Variants in PACS1 observed in about 807,000 individuals in gnomAD.
PACS1 encodes PACS-1.
In PACS1, 24 loss-of-function variants were observed where a neutral mutation model predicts 115.0. That is an observed-to-expected ratio of 0.21 (90% confidence interval 0.15 to 0.29). The LOEUF is 0.29. PACS1 is among the 10% of genes least tolerant of loss of function. The pLI, the probability that PACS1 is intolerant of heterozygous loss-of-function variation, is 1.00. For missense variants in PACS1, 838 were observed against 1,251.2 expected, an observed-to-expected ratio of 0.67 and a Z score of 4.98; for synonymous variants, 453 against 504.5, an observed-to-expected ratio of 0.90 and a Z score of 1.37.
At chr11:66,077,703 G>GTTTT (rs34935652) in intron 1 of PACS1, among the ~76,000 whole-genome samples, 1 of 131,274 alleles carries the variant, frequency 7.6e-6, no homozygotes, top group African/African-American at 2.9e-5. Flanking sequence ...TTGTAAGTTT[G>GTTTT]TTTTTTTTTT....
chr11:66,215,973 A>G, intron 4 of PACS1, 146 bp from the exon 5 acceptor site: 1 of 505,564 alleles, frequency 2.0e-6, no homozygotes. Context: ...ACCGTGAAGC[A>G]GTAGGACAGT....
chr11:66,240,943 A>G (rs1310973357), intron 21 of PACS1: 1 of 152,894 alleles, frequency 6.5e-6, no homozygotes, highest in Non-Finnish European at 1.5e-5. Flanking sequence ...TGAAAAGGAG[A>G]AAGCTGCAGG....
intron 8 of PACS1, 171 bp from the exon 9 acceptor site, chr11:66,220,460 C>T (rs1461067208): frequency 2.7e-5 from 17 of 635,380 alleles, no homozygotes; most frequent in Admixed American, 8.6e-5. Context: ...ACCATGTCCC[C>T]GCCCTCAGGC....
intron 1 of PACS1, among the ~76,000 whole-genome samples, chr11:66,161,961 G>A (rs1859496674): frequency 6.6e-6 from 1 of 152,122 alleles, no homozygotes; most frequent in African/African-American, 2.4e-5. Flanking sequence ...ATATTAATTG[G>A]TGTAGTGGGT....
intron 1 of PACS1, among the ~76,000 whole-genome samples, chr11:66,186,103 C>T (rs931278952): frequency 2.6e-5 from 4 of 151,530 alleles, no homozygotes; most frequent in South Asian, 2.1e-4. Flanking sequence ...CCCATCGCTG[C>T]AAAAAAAATT....
At position 66,181,735 on chromosome 11, in the gene PACS1, T is replaced by C. The variant is rs548060944; in HGVS notation, c.357-11751T>C. Among the ~76,000 whole-genome samples the C allele has an allele frequency of 2.6e-5, 4 of 152,300 alleles. No homozygotes were observed. The East Asian group carries it at 7.7e-4, about 29-fold the overall frequency. The stretch of plus-strand genomic sequence containing the variant: ...TTTTGGCTGGAACCTGGATGGTTTT[T>C]TGTTTGTTCTTTTTTTCCCCACACA... On this transcript the variant is annotated intron_variant, in intron 1 of 23. Transcript: ENST00000320580.
At chr11:66,098,577 T>G (rs1411504229) in intron 1 of PACS1, among the ~76,000 whole-genome samples, 1 of 152,224 alleles carries the variant, frequency 6.6e-6, no homozygotes, top group East Asian at 1.9e-4. Flanking sequence ...CATACTCCTT[T>G]AAGTCAGACA....
At position 66,211,214 on chromosome 11, in the gene PACS1, C is replaced by G; in HGVS notation, c.615C>G (p.Ile205Met). 6.2e-7 allele frequency: 1 copy of G among 1,613,828 alleles called. No individual in the cohort carries two copies. The highest frequency in any genetic ancestry group is 1.1e-5 in the South Asian group (1 of 91,076). Residue 205 changes from isoleucine (I) to methionine (M), a missense_variant, in exon 4 of 24, where the codon ATC becomes ATG. Ile to Met is a conservative substitution (Grantham distance 10). Around this residue, in one of 6 missense-constraint regions of PACS1, gnomAD observed 223 missense variants for 354.0 expected, o/e 0.63. Coordinates refer to ENST00000320580, the MANE Select transcript of PACS1 (RefSeq NM_018026.4). ...QRRKRYKNRT[I>M]LGYKTLAVGL... The stretch of plus-strand genomic sequence containing the variant: ...GAAAACGTTACAAGAATCGGACCAT[C>G]TTGGGCTATAAGACCTTGGCCGTGG...
chr11:66,122,860 A>G (rs1255103834), intron 1 of PACS1, among the ~76,000 whole-genome samples: 1 of 152,240 alleles, frequency 6.6e-6, no homozygotes, highest in Non-Finnish European at 1.5e-5. Flanking sequence ...TGTTGAAATG[A>G]TAATGTATTA....
At chr11:66,175,395 T>C (rs902070080) in intron 1 of PACS1, among the ~76,000 whole-genome samples, 2 of 152,192 alleles carry the variant, frequency 1.3e-5, no homozygotes, top group African/African-American at 4.8e-5. Flanking sequence ...CTTTCTAAAA[T>C]GTGACAGTGG....
At chr11:66,230,135 TAAAAAAAAA>T (rs11357711) in intron 11 of PACS1, among the ~76,000 whole-genome samples, 2 of 96,920 alleles carry the variant, frequency 2.1e-5, no homozygotes, top group South Asian at 3.4e-4. Context: ...GGAATGGGGC[TAAAAAAAAA>T]AAAAAAAAAG....
rs769935627 is a variant in PACS1 at position 66,243,182 on chromosome 11, G to T, written c.2794G>T (p.Glu932Ter). 1 of 1,613,496 alleles carries T rather than the reference G, an allele frequency of 6.2e-7. No homozygotes were observed. The highest frequency in any genetic ancestry group is 8.5e-7 in the Non-Finnish European group (1 of 1,179,682). Residue 932 changes from glutamate (E) to a stop codon, truncating the protein, a stop_gained, in exon 24 of 24, where the codon GAG becomes TAG. Coordinates refer to ENST00000320580, the MANE Select transcript of PACS1 (RefSeq NM_018026.4). LOFTEE classifies it high-confidence loss of function. ...ACCCCTAGTGTCCATCGATGGGGTC[G>T]AGTGGAGTGACATCAAGTTCTTCCA... ...TMLRVSIDGV[E>*]WSDIKFFQLA...
chr11:66,234,247 T>C lies in PACS1; in HGVS notation c.2104+5T>C. On this transcript the variant is annotated splice_donor_5th_base_variant and intron_variant, in intron 17 of 23. Transcript: ENST00000320580. ...GCTCGGAGCCACCAGTGTCAGGTAA[T>C]GGCCCCGTGTAAGGAGCTTACTCCC... 1 of 1,602,458 alleles carries C rather than the reference T, an allele frequency of 6.2e-7. No individual in the cohort carries two copies. The highest frequency in any genetic ancestry group is 8.6e-7 in the Non-Finnish European group (1 of 1,169,310).
At chr11:66,231,729 G>A (rs1032939022) in intron 13 of PACS1, 7 of 176,436 alleles carry the variant, frequency 4.0e-5, no homozygotes, top group Admixed American at 1.1e-4. Flanking sequence ...TGTTCCCTCA[G>A]ACAGCAGGTA....
At chr11:66,222,519 C>A (rs1234709043) in intron 10 of PACS1, among the ~76,000 whole-genome samples, 1 of 152,062 alleles carries the variant, frequency 6.6e-6, no homozygotes. Flanking sequence ...GCTCTTCCTT[C>A]GTTTACAATG....
chr11:66,149,818 C>T (rs746743269), intron 1 of PACS1, among the ~76,000 whole-genome samples: 5 of 151,982 alleles, frequency 3.3e-5, no homozygotes, highest in Non-Finnish European at 5.9e-5. Flanking sequence ...GGCATGATCT[C>T]GGCTCACTGC....
intron 2 of PACS1, among the ~76,000 whole-genome samples, chr11:66,199,296 C>G (rs1854720788): frequency 7.1e-6 from 1 of 140,064 alleles, no homozygotes; most frequent in Non-Finnish European, 1.5e-5. Context: ...GCCTGGGCAA[C>G]AGAGCGAGAC....
In PACS1 at chr11:66,141,506, T is replaced by C. The variant is rs79309641; in HGVS notation, c.357-51980T>C. ...CCATCTCTACTAAAAATATAAAAAT[T>C]AGGCGGGCATGGTGGTGGGTGCCTG... On this transcript the variant is annotated intron_variant, in intron 1 of 23. Transcript: ENST00000320580. Among the ~76,000 whole-genome samples, 1,261 of 152,036 alleles carry C rather than the reference T, an allele frequency of 8.3e-3. 86 individuals carry two copies. The East Asian group carries it at 0.17, about 21-fold the overall frequency.
chr11:66,130,110 T>A (rs1858668004), intron 1 of PACS1, among the ~76,000 whole-genome samples: 1 of 152,218 alleles, frequency 6.6e-6, no homozygotes, highest in African/African-American at 2.4e-5. Context: ...TGCATGAGGA[T>A]GAATATGATA....
Sources: allele counts gnomAD v4.1 joint callset (sites outside exome capture counted in the v4.1 genomes callset), GRCh38; gene constraint gnomAD v4.1.1; regional missense constraint gnomAD v4.1.1; transcripts MANE v1.5; gene names NCBI Gene and HGNC (gene_info 2026-07-23, HGNC 2026-07-21).